AK9: variants seen among roughly 807,000 people sequenced by gnomAD.
AK9 encodes the protein adenylate kinase 9.
AK9 carries 191 observed loss-of-function variants against 239.6 expected under a neutral mutation model. The observed-to-expected ratio is 0.80, with a 90% confidence interval of 0.71 to 0.90. The LOEUF (loss-of-function observed/expected upper bound fraction) is 0.90, where lower values mean the gene tolerates loss of function less well. Among genes scored for constraint, AK9 ranks in the 40% least tolerant of loss-of-function variants. The pLI is 0.00. For synonymous variants in AK9, 689 were observed against 721.0 expected, an observed-to-expected ratio of 0.96 and a Z score of 0.71; for missense variants, 1,995 against 2,214.7, an observed-to-expected ratio of 0.90 and a Z score of 1.99.
At chr6:109,645,832 C>T (rs762291187) in intron 8 of AK9, among the ~76,000 whole-genome samples, 4 of 152,182 alleles carry the variant, frequency 2.6e-5, no homozygotes, top group Non-Finnish European at 2.9e-5. Context: ...CTCATACAGC[C>T]AAGAGCTCCT....
chr6:109,596,586 A>G (rs1317431076), intron 17 of AK9, among the ~76,000 whole-genome samples: 1 of 152,190 alleles, frequency 6.6e-6, no homozygotes, highest in African/African-American at 2.4e-5. Flanking sequence ...CAGGCTCCTA[A>G]TTCAGGCTAG....
intron 3 of AK9, among the ~76,000 whole-genome samples, chr6:109,673,075 G>A (rs1245804300): frequency 6.6e-6 from 1 of 152,088 alleles, no homozygotes; most frequent in African/African-American, 2.4e-5. Context: ...GAATGACAGG[G>A]GCATGACCCA....
rs73523117 is a variant in AK9, at chr6:109,524,648, G to A, written c.3633+4363C>T. Among the ~76,000 whole-genome samples the A allele has an allele frequency of 8.7e-3, 1,329 of 152,258 alleles. 27 individuals are homozygous for A. Among genetic ancestry groups the A allele is most frequent in the African/African-American group, 0.029 (1,185 of 41,564 alleles). ...GAATGAATGAAGAACATCAGAAATAGTAAATATCTGGATAAATGGAAAACA... is the reference window on the plus strand; with the variant it reads ...GAATGAATGAAGAACATCAGAAATAATAAATATCTGGATAAATGGAAAACA... On this transcript the variant is annotated intron_variant, in intron 29 of 40. Coordinates refer to ENST00000424296, the MANE Select transcript of AK9 (RefSeq NM_001145128.3).
At chr6:109,567,483 C>G (rs1209409391) in intron 21 of AK9, among the ~76,000 whole-genome samples, 2 of 152,182 alleles carry the variant, frequency 1.3e-5, no homozygotes, top group East Asian at 3.9e-4. Flanking sequence ...AGATTCACGG[C>G]TGAATTCTAC....
chr6:109,645,840 C>G (rs1395855296), intron 8 of AK9, among the ~76,000 whole-genome samples: 1 of 152,188 alleles, frequency 6.6e-6, no homozygotes, highest in Non-Finnish European at 1.5e-5. Flanking sequence ...GCCAAGAGCT[C>G]CTCTGAGATG....
intron 27 of AK9, among the ~76,000 whole-genome samples, chr6:109,538,181 ATCTG>A (rs1263527693): frequency 1.3e-5 from 2 of 152,090 alleles, no homozygotes; most frequent in Admixed American, 1.3e-4. Context: ...TGTCTCGTTG[ATCTG>A]TCTAATGTTG....
At chr6:109,510,737 A>T (rs1295049701) in intron 32 of AK9, among the ~76,000 whole-genome samples, 2 of 152,202 alleles carry the variant, frequency 1.3e-5, no homozygotes, top group Non-Finnish European at 2.9e-5. Context: ...TCCTGGATGC[A>T]GGACAAGAAT....
chr6:109,528,759 T>A lies in AK9; in HGVS notation c.3633+252A>T, dbSNP rs955776181. The A allele has an allele frequency of 3.9e-5, 23 of 587,488 alleles. No homozygotes were observed. The African/African-American group carries it at 4.2e-4, about 11-fold the overall frequency. 36.4% of individuals were successfully genotyped at this position (587,488 alleles called of 1,614,324 possible). On this transcript the variant is annotated intron_variant, in intron 29 of 40. Coordinates refer to ENST00000424296, the MANE Select transcript of AK9 (RefSeq NM_001145128.3). ...TCTCTTCTCCTTGTTTGGCTGGACA[T>A]TTTTATACAGATGGAAATCAGGTTA... is the stretch of plus-strand genomic sequence containing the variant.
At position 109,573,525 on chromosome 6, in the gene AK9, G is replaced by C. The variant is rs1398108276; in HGVS notation, c.2261C>G (p.Pro754Arg). 1 of 1,551,234 alleles carries C rather than the reference G, an allele frequency of 6.4e-7. No individual in the cohort carries two copies. Among genetic ancestry groups the C allele is most frequent in the Admixed American group, 2.0e-5 (1 of 50,982 alleles). ...CCCTCGGGTATCGTGAGATGCCTCAGGCTCTTCGTGAACTTCCAACTCATC... is the reference window on the plus strand; with the variant it reads ...CCCTCGGGTATCGTGAGATGCCTCACGCTCTTCGTGAACTTCCAACTCATC... The part of the protein sequence containing the change: ...EGDELEVHEE[P>R]EASHDTRGSW... Residue 754 changes from proline to arginine, a missense_variant, in exon 21 of 41, where the codon CCT becomes CGT. Pro to Arg is a moderately radical substitution (Grantham distance 103). Around this residue, in one of 5 missense-constraint regions of AK9, gnomAD observed 1,290 missense variants for 1,392.7 expected, o/e 0.93. Coordinates refer to ENST00000424296, the MANE Select transcript of AK9 (RefSeq NM_001145128.3).
chr6:109,543,143 T>C (rs1783104897), intron 26 of AK9, among the ~76,000 whole-genome samples: 1 of 152,096 alleles, frequency 6.6e-6, no homozygotes, highest in Non-Finnish European at 1.5e-5. Context: ...TGAGGTCAAG[T>C]CTCTCTAAAG....
rs1293754108 is a variant in AK9 at position 109,633,021 on chromosome 6, G to C, written c.1156C>G (p.Pro386Ala). ...ACTTTACATGGTGGTCCTGGCATAGGTGGAAGCAGATAGGGACGTGGGTTC... is the reference window on the plus strand; with the variant it reads ...ACTTTACATGGTGGTCCTGGCATAGCTGGAAGCAGATAGGGACGTGGGTTC... The part of the protein sequence containing the change: ...LLNPRPYLLP[P>A]MPGPPCKVFI... The change falls in exon 12 of 41, where the codon CCT becomes GCT. Residue 386 changes from proline (P) to alanine (A), a missense_variant. Around this residue, in one of 5 missense-constraint regions of AK9, gnomAD observed 1,290 missense variants for 1,392.7 expected, o/e 0.93. Coordinates refer to ENST00000424296, the MANE Select transcript of AK9 (RefSeq NM_001145128.3). 6.2e-7 allele frequency: 1 copy of C among 1,600,180 alleles called. No individual in the cohort carries two copies. Among genetic ancestry groups the C allele is most frequent in the Non-Finnish European group, 8.5e-7 (1 of 1,175,628 alleles).
intron 35 of AK9, among the ~76,000 whole-genome samples, chr6:109,500,713 G>C (rs1777521723): frequency 6.6e-6 from 1 of 152,246 alleles, no homozygotes; most frequent in South Asian, 2.1e-4. Context: ...GAATATTTTA[G>C]ATTTTGGAAA....
intron 28 of AK9, among the ~76,000 whole-genome samples, chr6:109,532,711 T>C (rs1781437828): frequency 6.6e-6 from 1 of 152,232 alleles, no homozygotes; most frequent in Non-Finnish European, 1.5e-5. Flanking sequence ...TTATGAACAT[T>C]CACATATAAC....
At chr6:109,690,122 A>C (rs1289283726) in intron 1 of AK9, among the ~76,000 whole-genome samples, 1 of 152,272 alleles carries the variant, frequency 6.6e-6, no homozygotes, top group East Asian at 1.9e-4. Context: ...CTATAATTCT[A>C]TAATTTTTTT....
intron 8 of AK9, among the ~76,000 whole-genome samples, chr6:109,650,966 C>G (rs921371648): frequency 5.9e-5 from 9 of 152,018 alleles, no homozygotes; most frequent in Non-Finnish European, 1.3e-4. Context: ...TCATTCTCAG[C>G]AAACTATCGC....
chr6:109,584,475 G>T (rs62436146), intron 19 of AK9, among the ~76,000 whole-genome samples: 378 of 152,234 alleles, frequency 2.5e-3, no homozygotes, highest in Admixed American at 6.0e-3. Flanking sequence ...TATTTAAAGA[G>T]AATTTTTTAG....
At chr6:109,652,759 A>G (rs1799149217) in intron 8 of AK9, among the ~76,000 whole-genome samples, 1 of 152,066 alleles carries the variant, frequency 6.6e-6, no homozygotes, top group Non-Finnish European at 1.5e-5. Flanking sequence ...AACAGTTAAC[A>G]CGACTTCTCC....
At chr6:109,599,437 T>C (rs144545417) in intron 17 of AK9, among the ~76,000 whole-genome samples, 4,381 of 152,296 alleles carry the variant, frequency 0.029, 100 homozygotes, top group East Asian at 0.11. Context: ...GGTCTATGTA[T>C]CTGTTTGGGT....
chr6:109,607,357 T>C (rs541166985), intron 17 of AK9, among the ~76,000 whole-genome samples: 1 of 152,230 alleles, frequency 6.6e-6, no homozygotes, highest in African/African-American at 2.4e-5. Flanking sequence ...ACCATGGATA[T>C]AAAATATTTG....
Sources: allele counts gnomAD v4.1 joint callset (sites outside exome capture counted in the v4.1 genomes callset), GRCh38; gene constraint gnomAD v4.1.1; regional missense constraint gnomAD v4.1.1; transcripts MANE v1.5; gene names NCBI Gene and HGNC (gene_info 2026-07-23, HGNC 2026-07-21).